The following SCEL variants were observed in gnomAD, a reference collection of about 807,000 sequenced individuals.
SCEL encodes sciellin.
SCEL carries 113 observed loss-of-function variants against 117.6 expected under a neutral mutation model. The ratio of observed to expected loss-of-function variants is 0.96; its 90% CI spans 0.83 to 1.12. SCEL has a LOEUF of 1.12. Among genes scored for constraint, SCEL ranks in the 50% most tolerant of loss-of-function variants. The pLI is 0.00. For missense variants in SCEL, 785 were observed against 810.8 expected, an observed-to-expected ratio of 0.97 and a Z score of 0.39; for synonymous variants, 270 against 256.2, an observed-to-expected ratio of 1.05 and a Z score of -0.51.
At chr13:77,630,628 C>T (rs1381880037) in intron 28 of SCEL, among the ~76,000 whole-genome samples, 2 of 152,138 alleles carry the variant, frequency 1.3e-5, no homozygotes, top group East Asian at 1.9e-4. Flanking sequence ...TCAAAGCAGC[C>T]ATATCATTTT....
chr13:77,605,097 C>G (rs930717409), intron 19 of SCEL, among the ~76,000 whole-genome samples: 5 of 152,116 alleles, frequency 3.3e-5, no homozygotes, highest in African/African-American at 1.2e-4. Context: ...TCTTATAAGG[C>G]AGATGGAATA....
chr13:77,593,716 T>A (rs2087053995), intron 12 of SCEL, 143 bp downstream of exon 12: 1 of 594,196 alleles, frequency 1.7e-6, no homozygotes, highest in Non-Finnish European at 2.9e-6. Context: ...AGCATCAGTT[T>A]CTCCAGATAA....
At position 77,541,564 on chromosome 13, in the gene SCEL, A is replaced by G. The variant is rs183547174; in HGVS notation, c.-20+5740A>G. Among the ~76,000 whole-genome samples the G allele has an allele frequency of 3.8e-3, 581 of 152,368 alleles. 8 individuals are homozygous for G. The highest frequency in any genetic ancestry group is 3.5e-3 in the Non-Finnish European group (239 of 68,028). On this transcript the variant is annotated intron_variant, in intron 1 of 32. Coordinates refer to ENST00000349847, the MANE Select transcript of SCEL (RefSeq NM_144777.3). Reference sequence around the variant, plus strand: ...ACAACAGAGGAATGATGTTACATTGATAAATAAAATGAGATATTTTGTAGC... The same window carrying G: ...ACAACAGAGGAATGATGTTACATTGGTAAATAAAATGAGATATTTTGTAGC...
intron 28 of SCEL, among the ~76,000 whole-genome samples, chr13:77,632,560 A>G (rs891704125): frequency 1.3e-5 from 2 of 152,186 alleles, no homozygotes; most frequent in African/African-American, 4.8e-5. Flanking sequence ...TGTATGCCAG[A>G]GATAATATGT....
chr13:77,589,428 T>G (rs2086746183), intron 10 of SCEL, among the ~76,000 whole-genome samples: 2 of 152,214 alleles, frequency 1.3e-5, no homozygotes, highest in Non-Finnish European at 2.9e-5. Context: ...CTAACTTGTC[T>G]TAAGAAAATA....
chr13:77,639,899 A>C (rs558759438), intron 30 of SCEL, among the ~76,000 whole-genome samples: 8 of 152,278 alleles, frequency 5.3e-5, no homozygotes, highest in Non-Finnish European at 1.2e-4. Flanking sequence ...CTAAGACCTT[A>C]AAAAAGGAAA....
At chr13:77,565,566 G>A (rs1473836631) in intron 5 of SCEL, among the ~76,000 whole-genome samples, 1 of 152,182 alleles carries the variant, frequency 6.6e-6, no homozygotes, top group African/African-American at 2.4e-5. Flanking sequence ...GGCAAGTCCT[G>A]TTAGCAGGAG....
At chr13:77,625,481 CA>C (rs2089683932) in intron 27 of SCEL, among the ~76,000 whole-genome samples, 1 of 152,188 alleles carries the variant, frequency 6.6e-6, no homozygotes, top group Non-Finnish European at 1.5e-5. Context: ...ATTTGGACTG[CA>C]GAGCCAATAA....
chr13:77,596,068 C>T (rs564516433), intron 12 of SCEL, among the ~76,000 whole-genome samples: 11 of 152,300 alleles, frequency 7.2e-5, no homozygotes, highest in African/African-American at 2.6e-4. Context: ...CGTGGTGGCT[C>T]ACACCTGTAA....
At position 77,559,782 on chromosome 13, in the gene SCEL, T is replaced by G. The variant is rs375815326; in HGVS notation, c.162-22T>G. 1.9e-6 allele frequency: 3 copies of G among 1,609,628 alleles called. No homozygotes were observed. The African/African-American group carries it at 4.0e-5, about 22-fold the overall frequency. On this transcript the variant is annotated intron_variant, in intron 3 of 32. Transcript: ENST00000349847. ...CATTGTGGTAACTTTCTATGTGACA[T>G]ACTTTTGTTCTTTCTTTGCAGAGAT...
chr13:77,614,015 A>C, intron 24 of SCEL, 60 bp downstream of exon 24: 1 of 1,297,136 alleles, frequency 7.7e-7, no homozygotes, highest in Non-Finnish European at 1.1e-6. Context: ...AATTAATAGA[A>C]ATGATTTAGA....
At chr13:77,570,652 T>C (rs2085544587) in intron 8 of SCEL, among the ~76,000 whole-genome samples, 1 of 152,204 alleles carries the variant, frequency 6.6e-6, no homozygotes, top group African/African-American at 2.4e-5. Flanking sequence ...CTGTAGTGCA[T>C]ATCATTCTCA....
intron 31 of SCEL, 138 bp from the exon 32 acceptor site, chr13:77,642,568 C>G (rs1463367233): frequency 3.8e-6 from 2 of 528,560 alleles, no homozygotes; most frequent in African/African-American, 3.8e-5. Flanking sequence ...CATATCTACT[C>G]CACTGTGAGT....
intron 10 of SCEL, among the ~76,000 whole-genome samples, chr13:77,591,030 GA>G (rs1231123543): frequency 6.6e-6 from 1 of 151,772 alleles, no homozygotes; most frequent in Non-Finnish European, 1.5e-5. Flanking sequence ...AATTCTTTAA[GA>G]AAAAAATCCC....
chr13:77,577,873 T>C (rs971582905), intron 9 of SCEL, among the ~76,000 whole-genome samples: 5 of 152,182 alleles, frequency 3.3e-5, no homozygotes, highest in Non-Finnish European at 7.3e-5. Flanking sequence ...CAATAGCCCC[T>C]CACTCCTTTC....
chr13:77,626,563 C>T (rs1224193251), intron 27 of SCEL, among the ~76,000 whole-genome samples: 1 of 152,128 alleles, frequency 6.6e-6, no homozygotes, highest in African/African-American at 2.4e-5. Context: ...ATCATGGGGA[C>T]AGTTTCCTCC....
At chr13:77,594,183 A>C (rs529231522) in intron 12 of SCEL, among the ~76,000 whole-genome samples, 5 of 152,276 alleles carry the variant, frequency 3.3e-5, no homozygotes, top group Admixed American at 1.3e-4. Flanking sequence ...CCACTAAACT[A>C]TTATCACCCA....
chr13:77,602,078 G>C lies in SCEL; in HGVS notation c.931G>C (p.Gly311Arg). 6.2e-7 allele frequency: 1 copy of C among 1,609,728 alleles called. No individual in the cohort carries two copies. Among genetic ancestry groups the C allele is most frequent in the African/African-American group, 1.3e-5 (1 of 74,810 alleles). Residue 311 changes from glycine to arginine, a missense_variant, in exon 16 of 33, where the codon GGA (glycine) becomes CGA (arginine). By Grantham distance (125) the Gly-to-Arg change is moderately radical. Transcript: ENST00000349847. ...DKDGKGIQSLGSPIKVNQRTD... is the reference protein window; with the variant it reads ...DKDGKGIQSLRSPIKVNQRTD... ...AATGTTGTAAAGAATCCAAAGCCTT[G>C]GAAGTCCGATTAAAGTTAATCAAAG...
chr13:77,539,119 T>C (rs1178606653), intron 1 of SCEL, among the ~76,000 whole-genome samples: 2 of 152,188 alleles, frequency 1.3e-5, no homozygotes, highest in East Asian at 1.9e-4. Flanking sequence ...AGCTGAAATC[T>C]AGATAGACTT....
Sources: allele counts gnomAD v4.1 joint callset (sites outside exome capture counted in the v4.1 genomes callset), GRCh38; gene constraint gnomAD v4.1.1; transcripts MANE v1.5; gene names NCBI Gene and HGNC (gene_info 2026-07-23, HGNC 2026-07-21).